IFT140: variants seen among roughly 807,000 people sequenced by gnomAD.
IFT140 encodes the protein intraflagellar transport 140.
A neutral mutation model predicts 164.6 loss-of-function variants in IFT140; 133 were observed. That is an observed-to-expected ratio of 0.81 (90% CI 0.70 to 0.93). The LOEUF (loss-of-function observed/expected upper bound fraction) is 0.93, where lower values mean the gene tolerates loss of function less well. Ranked by LOEUF, IFT140 falls within the 40% of genes least tolerant of loss-of-function variation. IFT140 has a pLI of 0.00. For synonymous variants in IFT140, 860 were observed against 817.3 expected (o/e 1.05, Z -0.89); for missense variants, 2,045 against 1,972.3 (o/e 1.04, Z -0.70).
intron 10 of IFT140, among the ~76,000 whole-genome samples, chr16:1,584,938 A>C (rs1036703761): frequency 8.5e-5 from 13 of 152,360 alleles, no homozygotes; most frequent in Middle Eastern, 6.8e-3. Context: ...AACTGCTCTG[A>C]AAGGGCTCAG....
chr16:1,519,715 C>T (rs1010501086), intron 29 of IFT140, among the ~76,000 whole-genome samples, 166 bp downstream of exon 29: 10 of 152,236 alleles, frequency 6.6e-5, no homozygotes, highest in Admixed American at 3.3e-4. Context: ...TGCCCGGGCT[C>T]TGAGGGCTCC....
chr16:1,534,534 G>A (rs1273915874), intron 19 of IFT140: 3 of 1,604,964 alleles, frequency 1.9e-6, no homozygotes, highest in Non-Finnish European at 2.5e-6. Flanking sequence ...CGGCTTCCAG[G>A]AGTCCCGAGG....
At chr16:1,542,028 G>T in intron 19 of IFT140, 1 of 1,611,116 alleles carries the variant, frequency 6.2e-7, no homozygotes. Context: ...GCTGTCACCC[G>T]ACGCCCCGTG....
intron 16 of IFT140, among the ~76,000 whole-genome samples, chr16:1,565,192 C>T (rs749920583): frequency 1.2e-4 from 18 of 152,144 alleles, no homozygotes; most frequent in African/African-American, 2.9e-4. Context: ...AGAAACGCTG[C>T]GGACCTGGGT....
chr16:1,584,148 C>A, intron 11 of IFT140, 69 bp downstream of exon 11: 1 of 1,431,374 alleles, frequency 7.0e-7, no homozygotes. Flanking sequence ...GCCCTTGCTG[C>A]CCTGAACTAC....
intron 15 of IFT140, 66 bp from the exon 16 acceptor site, chr16:1,566,357 T>C: frequency 2.0e-6 from 3 of 1,536,076 alleles, no homozygotes; most frequent in Non-Finnish European, 2.7e-6. Context: ...TGGGCTGTGC[T>C]AGGGGACTGA....
At chr16:1,559,720 G>C (rs898077733) in intron 18 of IFT140, among the ~76,000 whole-genome samples, 3 of 152,244 alleles carry the variant, frequency 2.0e-5, no homozygotes, top group African/African-American at 7.2e-5. Context: ...CTCAAATAAA[G>C]AGAGCTGACA....
intron 3 of IFT140, among the ~76,000 whole-genome samples, chr16:1,604,164 G>A (rs1356398154): frequency 2.0e-5 from 3 of 152,232 alleles, no homozygotes; most frequent in Non-Finnish European, 4.4e-5. Flanking sequence ...TTGGTGCTGG[G>A]GCTGGACTGA....
intron 12 of IFT140, among the ~76,000 whole-genome samples, chr16:1,581,740 G>A (rs2034571504): frequency 8.8e-6 from 1 of 113,190 alleles, no homozygotes; most frequent in African/African-American, 3.4e-5. Context: ...GGAGGAGCGG[G>A]GGAGGGGAGG....
chr16:1,541,542 C>A, intron 19 of IFT140: 2 of 980,364 alleles, frequency 2.0e-6, no homozygotes, highest in Non-Finnish European at 1.2e-6. Flanking sequence ...GACAGGGAAG[C>A]CGGTGTTGCT....
Position 1,542,031 on chromosome 16 carries a change from G to A in IFT140, c.2400-15235C>T, listed in dbSNP as rs746733374. ...GGGCCTGCCCCTGCTGTCACCCGACGCCCCGTGCTGGGAGGAGGCCATGGC... is the reference window on the plus strand; with the variant it reads ...GGGCCTGCCCCTGCTGTCACCCGACACCCCGTGCTGGGAGGAGGCCATGGC... On this transcript the variant is annotated intron_variant, in intron 19 of 30. Transcript: ENST00000426508. The A allele has an allele frequency of 9.3e-6, 15 of 1,610,906 alleles. No homozygotes were observed. The highest frequency in any genetic ancestry group is 1.3e-5 in the African/African-American group (1 of 74,906).
chr16:1,516,139 CAAAAAAAAAAAAAAAAAAAAAAA>C lies in IFT140; in HGVS notation c.4182+2054_4182+2076del, dbSNP rs869165237. Among the ~76,000 whole-genome samples the C allele has an allele frequency of 6.5e-4, 30 of 46,024 alleles. 2 individuals carry two copies. The East Asian group carries it at 0.016, about 24-fold the overall frequency. 30.2% of individuals were successfully genotyped at this position (46,024 alleles called of 152,430 possible). A position where few individuals can be genotyped will look rare whatever the true frequency, so the allele number is the denominator to read the frequency against. On this transcript the variant is annotated intron_variant, in intron 30 of 30. Transcript: ENST00000426508. ...GGCTACAAAGAGCAAAACTCTGTCT[CAAAAAAAAAAAAAAAAAAAAAAA>C]AAAAAAAAAAAAAAAACACCAGAAA...
chr16:1,525,162 C>G, intron 22 of IFT140, 69 bp downstream of exon 22: 1 of 1,346,180 alleles, frequency 7.4e-7, no homozygotes, highest in Non-Finnish European at 1.1e-6. Context: ...GCCGTCTCAG[C>G]AAGCCCTGGG....
rs151182533 is a variant in IFT140, at chr16:1,606,564, G to A, written c.147+556C>T. Among the ~76,000 whole-genome samples the A allele has an allele frequency of 8.8e-3, 1,338 of 152,270 alleles. 22 individuals are homozygous for A. Among genetic ancestry groups the A allele is most frequent in the African/African-American group, 0.03 (1,248 of 41,542 alleles). On this transcript the variant is annotated intron_variant, in intron 3 of 30. Transcript: ENST00000426508. Reference sequence around the variant, plus strand: ...CAACCCCTGCCTCCTGGGTTCAAGCGATTCTCCTGCCTCAGCCTCCCGAGT... The same window carrying A: ...CAACCCCTGCCTCCTGGGTTCAAGCAATTCTCCTGCCTCAGCCTCCCGAGT...
intron 30 of IFT140, among the ~76,000 whole-genome samples, chr16:1,512,672 C>T (rs1012139138): frequency 9.2e-5 from 14 of 152,156 alleles, no homozygotes; most frequent in African/African-American, 1.7e-4. Context: ...TGGAGCAGGG[C>T]GCGGTGCTGC....
chr16:1,572,728 T>G (rs146365266), intron 13 of IFT140, among the ~76,000 whole-genome samples: 2 of 152,252 alleles, frequency 1.3e-5, no homozygotes, highest in Admixed American at 6.5e-5. Context: ...CTTTGTGGTG[T>G]GTCTTTTAGG....
In IFT140 at chr16:1,587,240, T is replaced by C; in HGVS notation, c.967A>G (p.Lys323Glu). The change falls in exon 9 of 31, where the codon AAA becomes GAA. Residue 323 changes from lysine to glutamate, a missense_variant. Coordinates refer to ENST00000426508, the MANE Select transcript of IFT140 (RefSeq NM_014714.4). ...CACACACAGTTCATATTCTCTCCTT[T>C]CTCAAAGCCAAACTTCTCATCTGGA... ...LSPDEKFGFEKGENMNCVCYC... is the reference protein window; with the variant it reads ...LSPDEKFGFEEGENMNCVCYC... The C allele has an allele frequency of 3.7e-6, 6 of 1,613,048 alleles. No homozygotes were observed. Among genetic ancestry groups the C allele is most frequent in the Non-Finnish European group, 5.1e-6 (6 of 1,179,048 alleles).
chr16:1,530,413 G>A (rs1241145729), intron 19 of IFT140, among the ~76,000 whole-genome samples: 1 of 152,164 alleles, frequency 6.6e-6, no homozygotes, highest in South Asian at 2.1e-4. Flanking sequence ...TTACAGGTGT[G>A]AGCCACTGCG....
At chr16:1,526,135 C>T (rs1229092033) in intron 20 of IFT140, 58 bp from the exon 21 acceptor site, 1 of 1,468,774 alleles carries the variant, frequency 6.8e-7, no homozygotes, top group African/African-American at 1.4e-5. Context: ...GTCTCAAACA[C>T]ACTGTTCCAC....
Sources: allele counts gnomAD v4.1 joint callset (sites outside exome capture counted in the v4.1 genomes callset), GRCh38; gene constraint gnomAD v4.1.1; transcripts MANE v1.5; gene names NCBI Gene and HGNC (gene_info 2026-07-23, HGNC 2026-07-21).